LINGO1: variants seen among roughly 807,000 people sequenced by gnomAD.
LINGO1 encodes the protein leucine rich repeat and Ig domain containing 1.
Under a neutral mutation model 37.3 loss-of-function variants are expected in LINGO1, and 11 were observed. That is an observed-to-expected ratio of 0.29 (90% CI 0.19 to 0.49). LINGO1 has a LOEUF of 0.49. Among genes scored for constraint, LINGO1 ranks in the 20% least tolerant of loss-of-function variants. LINGO1 has a pLI of 0.99. For synonymous variants in LINGO1, 387 were observed against 403.0 expected (o/e 0.96, Z 0.48); for missense variants, 585 against 878.2 (o/e 0.67, Z 4.22).
At chr15:77,816,095 C>A (rs1202615102) in intron 1 of LINGO1, among the ~76,000 whole-genome samples, 1 of 152,214 alleles carries the variant, frequency 6.6e-6, no homozygotes, top group East Asian at 1.9e-4. Context: ...GGTCAAGGCC[C>A]CGCCAGTCCC....
chr15:77,704,305 C>T (rs1023453157), intron 2 of LINGO1, among the ~76,000 whole-genome samples: 2 of 152,202 alleles, frequency 1.3e-5, no homozygotes, highest in African/African-American at 4.8e-5. Context: ...CAATCTGCCC[C>T]TGAGGCTACA....
At chr15:77,627,945 C>T (rs561164464) in intron 1 of LINGO1, among the ~76,000 whole-genome samples, 1 of 152,306 alleles carries the variant, frequency 6.6e-6, no homozygotes, top group Non-Finnish European at 1.5e-5. Context: ...TGCTGCCCAT[C>T]TCAACCCACA....
intron 3 of LINGO1, among the ~76,000 whole-genome samples, chr15:77,656,288 A>G (rs950054023): frequency 6.6e-6 from 1 of 152,140 alleles, no homozygotes; most frequent in Admixed American, 6.6e-5. Context: ...AGCCCCAGAC[A>G]GCTCCACTGC....
intron 3 of LINGO1, chr15:77,652,206 T>G (rs913128886): frequency 6.6e-5 from 10 of 152,180 alleles, no homozygotes; most frequent in African/African-American, 2.4e-4. Flanking sequence ...GGATAGACTA[T>G]GCCTCACAGG....
In LINGO1 at chr15:77,641,935, A is replaced by G. The variant is rs1452132539; in HGVS notation, c.-12-26035T>C. 6.6e-6 allele frequency: 3 copies of G among 456,522 alleles called. No individual in the cohort carries two copies. In the Admixed American group the frequency reaches 7.0e-5, roughly 11 times the overall value. 28.3% of individuals were successfully genotyped at this position (456,522 alleles called of 1,614,324 possible). ...TCAGGGTGCACATCCCAGGGAAGCC[A>G]CCTGTTGGCGGAGTGGTCTTGGGTA... On this transcript the variant is annotated intron_variant, in intron 3 of 3. Transcript: ENST00000559893.
chr15:77,733,024 A>C (rs2076168713), intron 2 of LINGO1, among the ~76,000 whole-genome samples: 1 of 152,124 alleles, frequency 6.6e-6, no homozygotes, highest in Admixed American at 6.5e-5. Flanking sequence ...CTTCCACTGA[A>C]GCCTGTGTCT....
At chr15:77,782,360 G>A (rs968977057) in intron 1 of LINGO1, among the ~76,000 whole-genome samples, 15 of 152,132 alleles carry the variant, frequency 9.9e-5, no homozygotes, top group African/African-American at 3.1e-4. Context: ...TCCGCTCCAC[G>A]CAGGGATCTG....
chr15:77,699,721 A>AGTAAGCAC (rs1567532188), upstream of LINGO1, among the ~76,000 whole-genome samples: 16 of 2,636 alleles, frequency 6.1e-3, 3 homozygotes, highest in Admixed American at 8.9e-3. Flanking sequence ...TCCCACACAC[A>AGTAAGCAC]ATAAGCACAT....
intron 1 of LINGO1, among the ~76,000 whole-genome samples, chr15:77,810,260 GCA>G (rs5813882): frequency 0.48 from 71,344 of 148,462 alleles, 18,092 homozygotes; most frequent in South Asian, 0.61. Flanking sequence ...GCATACACAT[GCA>G]CACACTCACA....
At chr15:77,694,598 G>A (rs554551462) in intron 1 of LINGO1, among the ~76,000 whole-genome samples, 2 of 152,232 alleles carry the variant, frequency 1.3e-5, no homozygotes, top group African/African-American at 4.8e-5. Flanking sequence ...AACTTGAGAG[G>A]GGGTCTCAGC....
intron 2 of LINGO1, among the ~76,000 whole-genome samples, chr15:77,720,034 G>A (rs1226311576): frequency 6.7e-6 from 1 of 149,992 alleles, no homozygotes; most frequent in African/African-American, 2.4e-5. Flanking sequence ...CCCTGGCAGT[G>A]AAGCCCCTGC....
chr15:77,651,842 C>G (rs1246134567), intron 3 of LINGO1: 1 of 152,196 alleles, frequency 6.6e-6, no homozygotes, highest in Non-Finnish European at 1.5e-5. Context: ...GGGAAAAGGG[C>G]TCTAGAGGAA....
chr15:77,622,560 C>T (rs2073956376), intron 1 of LINGO1, among the ~76,000 whole-genome samples: 1 of 152,236 alleles, frequency 6.6e-6, no homozygotes, highest in Non-Finnish European at 1.5e-5. Context: ...GCCTGGGCTC[C>T]TTGTGACTTG....
intron 1 of LINGO1, among the ~76,000 whole-genome samples, chr15:77,755,437 C>T (rs2076409847): frequency 6.6e-6 from 1 of 152,340 alleles, no homozygotes; most frequent in East Asian, 1.9e-4. Flanking sequence ...GGCGTCAGAC[C>T]TGGAATTGAA....
At chr15:77,786,074 G>C (rs2076767700) in intron 1 of LINGO1, among the ~76,000 whole-genome samples, 1 of 152,098 alleles carries the variant, frequency 6.6e-6, no homozygotes, top group African/African-American at 2.4e-5. Flanking sequence ...TAGGAGAAAT[G>C]AATCACTTGC....
chr15:77,776,399 G>A (rs1343303928), intron 1 of LINGO1, among the ~76,000 whole-genome samples: 1 of 98,332 alleles, frequency 1.0e-5, no homozygotes, highest in Admixed American at 1.3e-4. Flanking sequence ...GACAGAATCT[G>A]CTTATGGTGG....
intron 1 of LINGO1, among the ~76,000 whole-genome samples, chr15:77,759,541 G>A (rs761128101): frequency 3.0e-4 from 45 of 152,196 alleles, no homozygotes; most frequent in Admixed American, 2.4e-3. Context: ...GTTGTATATC[G>A]AAGCACCAGG....
chr15:77,620,573 T>C (rs1235677228), intron 1 of LINGO1, among the ~76,000 whole-genome samples: 1 of 152,244 alleles, frequency 6.6e-6, no homozygotes, highest in African/African-American at 2.4e-5. Flanking sequence ...ATGCCTGCCC[T>C]CTCTGGCCTG....
At chr15:77,754,656 G>A (rs972612988) in intron 1 of LINGO1, among the ~76,000 whole-genome samples, 1 of 152,218 alleles carries the variant, frequency 6.6e-6, no homozygotes, top group African/African-American at 2.4e-5. Flanking sequence ...TTCTGGGGGT[G>A]GGGCTCTGAG....
Sources: allele counts gnomAD v4.1 joint callset (sites outside exome capture counted in the v4.1 genomes callset), GRCh38; gene constraint gnomAD v4.1.1; transcripts MANE v1.5; gene names NCBI Gene and HGNC (gene_info 2026-07-23, HGNC 2026-07-21).